Variants in BDNF observed in about 807,000 individuals in gnomAD.
The protein encoded by BDNF is neurotrophic factor BDNF precursor form.
A neutral mutation model predicts 19.5 loss-of-function variants in BDNF; 1 was observed. The observed-to-expected ratio is 0.05, with a 90% confidence interval of 0.02 to 0.24. The LOEUF (loss-of-function observed/expected upper bound fraction) is 0.24. Among genes scored for constraint, BDNF ranks in the 10% least tolerant of loss-of-function variants. The pLI is 1.00. For missense variants in BDNF, 195 were observed against 317.6 expected (o/e 0.61, Z 2.93); for synonymous variants, 100 against 121.6 (o/e 0.82, Z 1.17).
At chr11:27,691,223 G>C (rs562348655) in intron 1 of BDNF, 1 of 152,260 alleles carries the variant, frequency 6.6e-6, no homozygotes, top group South Asian at 2.1e-4. Flanking sequence ...CAGAGAACTT[G>C]CTCAAGATTT....
intron 1 of BDNF, among the ~76,000 whole-genome samples, chr11:27,713,993 G>C (rs186535743): frequency 1.3e-5 from 2 of 152,298 alleles, no homozygotes; most frequent in Non-Finnish European, 2.9e-5. Flanking sequence ...GTCTAAAATA[G>C]AATTCAAGAA....
Position 27,719,471 on chromosome 11 carries a change from G to C in BDNF, c.3+1941C>G. On this transcript the variant is annotated intron_variant, in intron 1 of 1. Transcript: ENST00000314915. Reference sequence around the variant, plus strand: ...GGAAAGGACCTTCTACTCCCAGGCGGAGGCTCCCCTTTCCCTGAGTTACCC... The same window carrying C: ...GGAAAGGACCTTCTACTCCCAGGCGCAGGCTCCCCTTTCCCTGAGTTACCC... 3.0e-6 allele frequency: 3 copies of C among 985,562 alleles called. No homozygotes were observed. In the South Asian group the frequency reaches 1.4e-4, roughly 46 times the overall value. The allele number at this position is 985,562 out of a possible 1,614,324, so 61.1% of individuals were successfully genotyped here. A position where few individuals can be genotyped will look rare whatever the true frequency, so the allele number is the denominator to read the frequency against.
At chr11:27,705,601 T>C (rs1439797861) in intron 1 of BDNF, among the ~76,000 whole-genome samples, 4 of 152,226 alleles carry the variant, frequency 2.6e-5, no homozygotes. Context: ...TCTTTAGTGG[T>C]CTTTTTGACC....
upstream of BDNF, chr11:27,700,726 G>A: frequency 8.5e-7 from 1 of 1,177,860 alleles, no homozygotes; most frequent in Non-Finnish European, 1.1e-6. Flanking sequence ...GCGCCCTCCT[G>A]GGGCGCCTTG....
At chr11:27,701,176 G>T, upstream of BDNF, 1 of 1,186,522 alleles carries the variant, frequency 8.4e-7, no homozygotes, top group South Asian at 1.4e-5. Context: ...CCCAGATAAC[G>T]TTACACCAAG....
chr11:27,694,254 A>G (rs1428852076), intron 1 of BDNF, among the ~76,000 whole-genome samples: 1 of 152,266 alleles, frequency 6.6e-6, no homozygotes, highest in Non-Finnish European at 1.5e-5. Flanking sequence ...TCATAAGTGA[A>G]TCAAATTACA....
rs548912603 is a variant in BDNF at position 27,711,085 on chromosome 11, G to A, written c.3+10327C>T. ...ATTTGCAGATTAGTGATTAAAAAAA[G>A]GGCTTTGACATTAGACAGACCTAGG... On this transcript the variant is annotated intron_variant, in intron 1 of 1. Transcript: ENST00000314915. Among the ~76,000 whole-genome samples the A allele has an allele frequency of 1.4e-3, 212 of 152,278 alleles. 3 individuals are homozygous for A. Among genetic ancestry groups the A allele is most frequent in the African/African-American group, 4.9e-3 (202 of 41,556 alleles).
chr11:27,675,035 A>G (rs1855895815), intron 1 of BDNF: 1 of 462,734 alleles, frequency 2.2e-6, no homozygotes, highest in Non-Finnish European at 2.8e-6. Context: ...AAGATCACAT[A>G]CCCATTATGT....
upstream of BDNF, chr11:27,700,684 C>T (rs1379950423): frequency 8.6e-7 from 1 of 1,156,642 alleles, no homozygotes; most frequent in African/African-American, 1.6e-5. Context: ...ACCTCCTCCC[C>T]TAGGGCCCCG....
chr11:27,670,784 T>C (rs1347065805), intron 1 of BDNF, among the ~76,000 whole-genome samples: 2 of 152,148 alleles, frequency 1.3e-5, no homozygotes, highest in African/African-American at 4.8e-5. Context: ...TGTAGAGAAA[T>C]AGGAACACTT....
At chr11:27,687,242 G>A (rs1442685575) in intron 1 of BDNF, among the ~76,000 whole-genome samples, 1 of 152,146 alleles carries the variant, frequency 6.6e-6, no homozygotes, top group African/African-American at 2.4e-5. Context: ...CTCGTGCTGT[G>A]TTTTTCAGCT....
chr11:27,702,454 C>T (rs1356530659), upstream of BDNF, among the ~76,000 whole-genome samples: 1 of 152,168 alleles, frequency 6.6e-6, no homozygotes, highest in African/African-American at 2.4e-5. Flanking sequence ...AGCCCACACC[C>T]AAATTCTGCA....
upstream of BDNF, chr11:27,701,687 C>T (rs1220054777): frequency 2.2e-6 from 2 of 892,394 alleles, no homozygotes; most frequent in Non-Finnish European, 2.7e-6. Context: ...CATATGATAC[C>T]TCCGCTGCCT....
chr11:27,661,702 A>T (rs186180424), intron 1 of BDNF, among the ~76,000 whole-genome samples: 1 of 152,208 alleles, frequency 6.6e-6, no homozygotes, highest in Non-Finnish European at 1.5e-5. Flanking sequence ...TCTCTCCAAC[A>T]TCTGCCCTCA....
chr11:27,698,984 G>T (rs995989144), intron 1 of BDNF, among the ~76,000 whole-genome samples: 2 of 151,994 alleles, frequency 1.3e-5, no homozygotes, highest in Non-Finnish European at 2.9e-5. Flanking sequence ...CACCGACGAC[G>T]AGTCGCACGC....
intron 1 of BDNF, among the ~76,000 whole-genome samples, chr11:27,684,477 C>T (rs1009049328): frequency 1.3e-5 from 2 of 152,130 alleles, no homozygotes; most frequent in South Asian, 4.1e-4. Flanking sequence ...TTGTTTTGTG[C>T]CGGTTTTCAA....
At chr11:27,671,408 C>A (rs1009016353) in intron 1 of BDNF, among the ~76,000 whole-genome samples, 3 of 151,740 alleles carry the variant, frequency 2.0e-5, no homozygotes, top group Admixed American at 2.0e-4. Flanking sequence ...GGGATGATGA[C>A]TCTGGAAATG....
chr11:27,684,425 G>A (rs1041840914), intron 1 of BDNF, among the ~76,000 whole-genome samples: 3 of 152,016 alleles, frequency 2.0e-5, no homozygotes, highest in Admixed American at 6.6e-5. Flanking sequence ...TGGCTAGAAC[G>A]TCCAATACTA....
intron 1 of BDNF, chr11:27,674,731 A>G: frequency 1.0e-6 from 1 of 984,346 alleles, no homozygotes; most frequent in African/African-American, 1.7e-5. Context: ...GTTTTCACTA[A>G]ACACTGATTC....
Sources: allele counts gnomAD v4.1 joint callset (sites outside exome capture counted in the v4.1 genomes callset), GRCh38; gene constraint gnomAD v4.1.1; transcripts MANE v1.5; gene names NCBI Gene and HGNC (gene_info 2026-07-23, HGNC 2026-07-21).